HERC5: variants seen among roughly 807,000 people sequenced by gnomAD.
HERC5 encodes E3 ISG15--protein ligase HERC5.
Under a neutral mutation model 119.6 loss-of-function variants are expected in HERC5, and 99 were observed. The ratio of observed to expected loss-of-function variants is 0.83; its 90% confidence interval spans 0.70 to 0.98. The LOEUF (loss-of-function observed/expected upper bound fraction) is 0.98, where lower values mean the gene tolerates loss of function less well. Ranked by LOEUF, HERC5 falls within the 50% of genes least tolerant of loss-of-function variation. The probability of loss-of-function intolerance (pLI) is 0.00; values close to 1 mark genes in which losing one functional copy is unlikely to be tolerated. For missense variants in HERC5, 1,267 were observed against 1,241.3 expected (o/e 1.02, Z -0.31); for synonymous variants, 478 against 445.9 (o/e 1.07, Z -0.91).
At chr4:88,465,848 G>T (rs1328468009) in intron 6 of HERC5, among the ~76,000 whole-genome samples, 1 of 152,234 alleles carries the variant, frequency 6.6e-6, no homozygotes, top group Admixed American at 6.5e-5. Context: ...CAAATGCTGA[G>T]CTTGTGGCTG....
intron 19 of HERC5, among the ~76,000 whole-genome samples, chr4:88,500,539 C>T (rs1220046627): frequency 2.0e-5 from 3 of 152,224 alleles, no homozygotes; most frequent in African/African-American, 7.2e-5. Flanking sequence ...ATAGCCTCTC[C>T]CCTTGATTGC....
At chr4:88,499,826 C>G (rs1249839498) in intron 18 of HERC5, 100 bp from the exon 19 acceptor site, 1 of 808,824 alleles carries the variant, frequency 1.2e-6, no homozygotes, top group African/African-American at 1.7e-5. Context: ...TACCTGACCT[C>G]ATACCTTCAG....
intron 18 of HERC5, among the ~76,000 whole-genome samples, chr4:88,498,957 A>G (rs895528328): frequency 6.6e-6 from 1 of 152,252 alleles, no homozygotes; most frequent in Non-Finnish European, 1.5e-5. Flanking sequence ...CACAAAAACA[A>G]AAACAACCCA....
chr4:88,457,176 C>A lies in HERC5; in HGVS notation c.-94C>A. The A allele has an allele frequency of 8.1e-7, 1 of 1,237,624 alleles. No individual in the cohort carries two copies. The highest frequency in any genetic ancestry group is 3.2e-5 in the East Asian group (1 of 31,630). The allele number at this position is 1,237,624 out of a possible 1,614,324, so 76.7% of individuals were successfully genotyped here. A position where few individuals can be genotyped will look rare whatever the true frequency, so the allele number is the denominator to read the frequency against. ...CAGCTGCGCGCAGCTGGTTCCCGCT[C>A]TGCAGCGCAACGCCTGAGGCAGTGG... On this transcript the variant is annotated 5_prime_UTR_variant, in exon 1 of 23. It adds an upstream start codon to the 5' untranslated region. Coordinates refer to ENST00000264350, the MANE Select transcript of HERC5 (RefSeq NM_016323.4).
At position 88,479,514 on chromosome 4, in the gene HERC5, G is replaced by T. The variant is rs778237632; in HGVS notation, c.1737+7G>T. On this transcript the variant is annotated splice_region_variant and intron_variant, in intron 13 of 22. Coordinates refer to ENST00000264350, the MANE Select transcript of HERC5 (RefSeq NM_016323.4). ...GTTGAAGAAGCTGCACAGGGTAAGA[G>T]TTCCTTTAGAAACCTCTGTGTTTTT... The T allele has an allele frequency of 6.4e-7, 1 of 1,555,922 alleles. No individual in the cohort carries two copies. Among genetic ancestry groups the T allele is most frequent in the South Asian group, 1.2e-5 (1 of 81,078 alleles).
At chr4:88,460,774 T>C (rs1740404949) in intron 3 of HERC5, among the ~76,000 whole-genome samples, 1 of 152,094 alleles carries the variant, frequency 6.6e-6, no homozygotes, top group Non-Finnish European at 1.5e-5. Context: ...GGATCACTTG[T>C]AGCCAGGAGT....
intron 1 of HERC5, 148 bp downstream of exon 1, chr4:88,457,682 G>C (rs1336647462): frequency 4.3e-6 from 4 of 933,958 alleles, no homozygotes; most frequent in South Asian, 1.1e-4. Flanking sequence ...TTTCGCCGAC[G>C]GCGCACCTGA....
chr4:88,494,256 T>C lies in HERC5; in HGVS notation c.2369T>C (p.Leu790Pro). 1 of 1,613,686 alleles carries C rather than the reference T, an allele frequency of 6.2e-7. No individual in the cohort carries two copies. The highest frequency in any genetic ancestry group is 8.5e-7 in the Non-Finnish European group (1 of 1,179,716). ...NCNVANLPFP[L>P]ALFKKLLDQM... The stretch of plus-strand genomic sequence containing the variant: ...AATGTTGCCAACCTTCCTTTCCCAC[T>C]GGCACTGTTTAAGAAACTTTTGGAC... The change falls in exon 18 of 23, where the codon CTG becomes CCG. Residue 790 changes from leucine (L) to proline (P), a missense_variant. Physicochemically the swap from Leu to Pro is moderately conservative, Grantham distance 98 (BLOSUM62 -3). Coordinates refer to ENST00000264350, the MANE Select transcript of HERC5 (RefSeq NM_016323.4).
At chr4:88,465,545 T>G (rs767128162) in intron 6 of HERC5, among the ~76,000 whole-genome samples, 3 of 152,224 alleles carry the variant, frequency 2.0e-5, no homozygotes, top group Non-Finnish European at 4.4e-5. Context: ...AAGCGTTCTC[T>G]TCAATATTTA....
intron 13 of HERC5, among the ~76,000 whole-genome samples, chr4:88,481,253 A>G (rs1276607467): frequency 6.6e-6 from 1 of 152,172 alleles, no homozygotes; most frequent in African/African-American, 2.4e-5. Flanking sequence ...GGGTTTCGCC[A>G]TGTAGCCCAG....
Position 88,457,360 on chromosome 4 carries a change from G to A in HERC5, c.91G>A (p.Ala31Thr), listed in dbSNP as rs1314166607. The change falls in exon 1 of 23, where the codon GCA becomes ACA. Residue 31 changes from alanine (A) to threonine (T), a missense_variant. Physicochemically the swap from Ala to Thr is moderately conservative, Grantham distance 58. Coordinates refer to ENST00000264350, the MANE Select transcript of HERC5 (RefSeq NM_016323.4). ...AATQPAKSPGAQLWLFPSAAG... is the reference protein window; with the variant it reads ...AATQPAKSPGTQLWLFPSAAG... Reference sequence around the variant, plus strand: ...GACCCAGCCCGCGAAGTCTCCGGGCGCACAGCTCTGGCTCTTTCCCAGCGC... The same window carrying A: ...GACCCAGCCCGCGAAGTCTCCGGGCACACAGCTCTGGCTCTTTCCCAGCGC... 1.4e-6 allele frequency: 2 copies of A among 1,430,260 alleles called. No homozygotes were observed. The highest frequency in any genetic ancestry group is 1.5e-5 in the African/African-American group (1 of 67,548). The allele number at this position is 1,430,260 out of a possible 1,614,324, so 88.6% of individuals were successfully genotyped here.
intron 12 of HERC5, among the ~76,000 whole-genome samples, chr4:88,478,620 T>A (rs575728911): frequency 6.0e-4 from 91 of 150,702 alleles, no homozygotes; most frequent in Middle Eastern, 3.2e-3. Flanking sequence ...AAAAAAATAT[T>A]TTTTTTTTTG....
chr4:88,482,754 C>G (rs1170998932), intron 13 of HERC5, among the ~76,000 whole-genome samples: 1 of 152,082 alleles, frequency 6.6e-6, no homozygotes, highest in Non-Finnish European at 1.5e-5. Flanking sequence ...GGCTGTATTC[C>G]CAAGTACCTG....
chr4:88,481,120 T>G (rs1741262417), intron 13 of HERC5, among the ~76,000 whole-genome samples: 3 of 152,216 alleles, frequency 2.0e-5, no homozygotes, highest in Admixed American at 6.5e-5. Context: ...TGGCGCAGTC[T>G]CGGCTCACTG....
intron 13 of HERC5, among the ~76,000 whole-genome samples, chr4:88,481,523 G>T (rs1166444694): frequency 1.3e-5 from 2 of 151,876 alleles, no homozygotes; most frequent in Non-Finnish European, 2.9e-5. Flanking sequence ...AAATTTGTCT[G>T]TCCGTTTCTT....
intron 6 of HERC5, 120 bp from the exon 7 acceptor site, chr4:88,466,939 C>CT (rs1740688680): frequency 4.0e-6 from 4 of 1,003,254 alleles, no homozygotes; most frequent in Admixed American, 2.2e-5. Context: ...TTTTCATCCT[C>CT]TAAGAGATGT....
chr4:88,479,052 A>G (rs960150471), intron 12 of HERC5, among the ~76,000 whole-genome samples: 4 of 152,090 alleles, frequency 2.6e-5, no homozygotes, highest in Admixed American at 6.5e-5. Flanking sequence ...TTGGGAGGCA[A>G]AGGTGGGCGG....
intron 8 of HERC5, among the ~76,000 whole-genome samples, chr4:88,468,807 A>G (rs1740765828): frequency 6.6e-6 from 1 of 152,188 alleles, no homozygotes; most frequent in Admixed American, 6.5e-5. Flanking sequence ...TCCCTGCCCT[A>G]CTTCACCAAG....
At chr4:88,484,973 T>TA (rs1741406441) in intron 13 of HERC5, among the ~76,000 whole-genome samples, 1 of 152,034 alleles carries the variant, frequency 6.6e-6, no homozygotes, top group Admixed American at 6.6e-5. Context: ...TAATATATCA[T>TA]ACTGCTGAAG....
Sources: allele counts gnomAD v4.1 joint callset (sites outside exome capture counted in the v4.1 genomes callset), GRCh38; gene constraint gnomAD v4.1.1; transcripts MANE v1.5; gene names NCBI Gene and HGNC (gene_info 2026-07-23, HGNC 2026-07-21).